Variants in IGSF21 observed in about 807,000 individuals in gnomAD.
IGSF21 encodes immunoglobulin superfamily member 21.
IGSF21 carries 28 observed loss-of-function variants against 46.8 expected under a neutral mutation model. That is an observed-to-expected ratio of 0.60 (90% CI 0.44 to 0.82). The LOEUF is 0.82. Among genes scored for constraint, IGSF21 ranks in the 40% least tolerant of loss-of-function variants. The pLI is 0.00. For synonymous variants in IGSF21, 284 were observed against 273.6 expected (o/e 1.04, Z -0.38); for missense variants, 624 against 665.5 (o/e 0.94, Z 0.69).
At chr1:18,176,573 GT>G (rs1488878783) in intron 1 of IGSF21, among the ~76,000 whole-genome samples, 2 of 152,202 alleles carry the variant, frequency 1.3e-5, no homozygotes, top group African/African-American at 4.8e-5. Context: ...CTCGGGAGCA[GT>G]TTTCCAAGGA....
intron 4 of IGSF21, among the ~76,000 whole-genome samples, chr1:18,339,395 G>C (rs1241007240): frequency 6.6e-6 from 1 of 151,962 alleles, no homozygotes; most frequent in Admixed American, 6.5e-5. Context: ...AGAGTGCAGG[G>C]AGTGGGGACT....
intron 2 of IGSF21, among the ~76,000 whole-genome samples, chr1:18,238,798 C>A (rs1036938518): frequency 6.6e-6 from 1 of 152,162 alleles, no homozygotes; most frequent in Non-Finnish European, 1.5e-5. Flanking sequence ...AAGAAAAGAG[C>A]AAGGGCCTGG....
At chr1:18,342,194 A>G (rs1156972601) in intron 4 of IGSF21, among the ~76,000 whole-genome samples, 6 of 152,030 alleles carry the variant, frequency 3.9e-5, no homozygotes, top group Non-Finnish European at 1.5e-5. Context: ...CCAAGGCTCA[A>G]GAGATTCTCC....
At chr1:18,132,194 TG>T (rs2086327878) in intron 1 of IGSF21, among the ~76,000 whole-genome samples, 1 of 151,882 alleles carries the variant, frequency 6.6e-6, no homozygotes, top group African/African-American at 2.4e-5. Context: ...GATGGATGGA[TG>T]GATGGATGGA....
chr1:18,201,358 G>A (rs532815807), intron 1 of IGSF21, among the ~76,000 whole-genome samples: 2 of 152,326 alleles, frequency 1.3e-5, no homozygotes, highest in Non-Finnish European at 2.9e-5. Flanking sequence ...GTGGAACTGA[G>A]ACATGGTAGG....
intron 3 of IGSF21, among the ~76,000 whole-genome samples, chr1:18,299,776 A>G (rs1402298292): frequency 6.6e-6 from 1 of 152,180 alleles, no homozygotes; most frequent in Non-Finnish European, 1.5e-5. Flanking sequence ...ATTGTTTTTA[A>G]CAGATTATGC....
chr1:18,364,110 C>T (rs1451436566), intron 5 of IGSF21, among the ~76,000 whole-genome samples: 1 of 152,034 alleles, frequency 6.6e-6, no homozygotes, highest in Non-Finnish European at 1.5e-5. Context: ...TCTGCCTGCC[C>T]CAACATTTGC....
chr1:18,218,301 A>G lies in IGSF21; in HGVS notation c.71-9597A>G, dbSNP rs557095723. ...AAAACTCACTCATTATCAAGAGAGC[A>G]GCAAGGGAAAAGTCTGCCTCCATTG... On this transcript the variant is annotated intron_variant, in intron 1 of 9. Coordinates refer to ENST00000251296, the MANE Select transcript of IGSF21 (RefSeq NM_032880.5). Among the ~76,000 whole-genome samples, 9 of 152,318 alleles carry G rather than the reference A, an allele frequency of 5.9e-5. No individual in the cohort carries two copies. The East Asian group carries it at 1.7e-3, about 29-fold the overall frequency.
chr1:18,339,678 T>C (rs1207419386), intron 4 of IGSF21, among the ~76,000 whole-genome samples: 1 of 152,188 alleles, frequency 6.6e-6, no homozygotes, highest in Non-Finnish European at 1.5e-5. Flanking sequence ...TGAGCTGAGA[T>C]CACGCCACTG....
At chr1:18,257,412 T>C (rs2084902339) in intron 2 of IGSF21, among the ~76,000 whole-genome samples, 1 of 152,208 alleles carries the variant, frequency 6.6e-6, no homozygotes, top group Non-Finnish European at 1.5e-5. Context: ...TTTATATATA[T>C]AAATCATATT....
chr1:18,267,797 G>A (rs781610591), intron 2 of IGSF21, among the ~76,000 whole-genome samples: 3 of 152,226 alleles, frequency 2.0e-5, no homozygotes, highest in African/African-American at 7.2e-5. Flanking sequence ...AGAAGGAACT[G>A]CAGCCTGCAG....
chr1:18,316,017 G>A (rs760491503), intron 3 of IGSF21, among the ~76,000 whole-genome samples: 4 of 152,088 alleles, frequency 2.6e-5, no homozygotes, highest in Admixed American at 6.5e-5. Flanking sequence ...ACAAAGCCCC[G>A]GCCATGCTCC....
chr1:18,158,917 C>T (rs937645128), intron 1 of IGSF21, among the ~76,000 whole-genome samples: 9 of 152,204 alleles, frequency 5.9e-5, no homozygotes, highest in African/African-American at 2.2e-4. Flanking sequence ...GTGGGAGAGT[C>T]TGGAGATGGG....
chr1:18,322,574 C>G lies in IGSF21; in HGVS notation c.306-12318C>G, dbSNP rs938547041. On this transcript the variant is annotated intron_variant, in intron 3 of 9. Coordinates refer to ENST00000251296, the MANE Select transcript of IGSF21 (RefSeq NM_032880.5). The surrounding 1 kb of genome is among the most constrained non-coding windows in gnomAD (Gnocchi z 4.3). ...CTTCTTTGGTCTCATTTCCCTTTGG[C>G]CAACCACCTGGCTCCTGGTTCCCCA... is the stretch of plus-strand genomic sequence containing the variant. 1.3e-5 allele frequency among the ~76,000 whole-genome samples: 2 copies of G among 152,208 alleles called. No homozygotes were observed. The highest frequency in any genetic ancestry group is 4.8e-5 in the African/African-American group (2 of 41,458).
At chr1:18,147,836 T>C (rs1191136676) in intron 1 of IGSF21, among the ~76,000 whole-genome samples, 1 of 152,178 alleles carries the variant, frequency 6.6e-6, no homozygotes, top group Admixed American at 6.5e-5. Context: ...TCATCTTTAA[T>C]TGTAGCTCCC....
In IGSF21 at chr1:18,107,995, C is replaced by A. The variant is rs1284393941; in HGVS notation, c.-134C>A. ...CCGCGGCGGCATGGGGGCGCCCCCG[C>A]GGCTCTCCGCGCTGCCCGCCACCGC... is the stretch of plus-strand genomic sequence containing the variant. On this transcript the variant is annotated 5_prime_UTR_variant, in exon 1 of 10. Transcript: ENST00000251296. The A allele has an allele frequency of 1.8e-5, 5 of 284,428 alleles. No individual in the cohort carries two copies. The highest frequency in any genetic ancestry group is 2.5e-5 in the Non-Finnish European group (4 of 162,950). 17.6% of individuals were successfully genotyped at this position (284,428 alleles called of 1,614,324 possible).
intron 1 of IGSF21, among the ~76,000 whole-genome samples, chr1:18,178,111 A>C (rs768402247): frequency 2.2e-4 from 33 of 151,908 alleles, no homozygotes; most frequent in Non-Finnish European, 3.8e-4. Flanking sequence ...GAGAGAGAGA[A>C]AGAGGGAGCA....
intron 2 of IGSF21, among the ~76,000 whole-genome samples, chr1:18,255,685 G>A (rs918473837): frequency 6.6e-6 from 1 of 152,022 alleles, no homozygotes; most frequent in Non-Finnish European, 1.5e-5. Context: ...CACATTGAGA[G>A]TCATCCTCAA....
At chr1:18,297,929 G>A (rs2085327349) in intron 3 of IGSF21, among the ~76,000 whole-genome samples, 1 of 152,218 alleles carries the variant, frequency 6.6e-6, no homozygotes, top group Non-Finnish European at 1.5e-5. Context: ...ATAATGGAGT[G>A]AGGGCATTGC....
Sources: allele counts gnomAD v4.1 joint callset (sites outside exome capture counted in the v4.1 genomes callset), GRCh38; gene constraint gnomAD v4.1.1; non-coding constraint Gnocchi (gnomAD v3.1); transcripts MANE v1.5; gene names NCBI Gene and HGNC (gene_info 2026-07-23, HGNC 2026-07-21).